Variants in PDE4D observed in about 807,000 individuals in gnomAD.
PDE4D encodes the protein 3',5'-cyclic-AMP phosphodiesterase 4D.
PDE4D carries 24 observed loss-of-function variants against 87.4 expected under a neutral mutation model. The ratio of observed to expected loss-of-function variants is 0.27; its 90% confidence interval spans 0.20 to 0.39. PDE4D has a LOEUF of 0.39. Among genes scored for constraint, PDE4D ranks in the 10% least tolerant of loss-of-function variants. PDE4D has a pLI of 1.00. For synonymous variants in PDE4D, 384 were observed against 383.2 expected, an observed-to-expected ratio of 1.00 and a Z score of -0.02; for missense variants, 714 against 1,041.0, an observed-to-expected ratio of 0.69 and a Z score of 4.32.
chr5:59,734,440 C>A (rs1235621221), intron 1 of PDE4D, among the ~76,000 whole-genome samples: 1 of 152,120 alleles, frequency 6.6e-6, no homozygotes, highest in African/African-American at 2.4e-5. Flanking sequence ...AAGTAAGAGA[C>A]ATTACAGTGC....
chr5:59,184,498 C>T (rs1581244041), intron 4 of PDE4D, among the ~76,000 whole-genome samples: 1 of 151,326 alleles, frequency 6.6e-6, no homozygotes, highest in African/African-American at 2.4e-5. Flanking sequence ...GTTTTTTTTC[C>T]TTCTGGAAAA....
chr5:60,028,775 CT>C (rs1424003084), intron 2 of PDE4D, among the ~76,000 whole-genome samples: 1 of 152,144 alleles, frequency 6.6e-6, no homozygotes, highest in Non-Finnish European at 1.5e-5. Flanking sequence ...AATATAATCT[CT>C]TCCCAGTATG....
chr5:60,060,602 A>G (rs548798958), intron 2 of PDE4D, among the ~76,000 whole-genome samples: 1 of 152,236 alleles, frequency 6.6e-6, no homozygotes, highest in Admixed American at 6.6e-5. Flanking sequence ...ACTGTCCTAC[A>G]TGTTCCTTCA....
chr5:59,788,410 C>T (rs1765406790), intron 1 of PDE4D, among the ~76,000 whole-genome samples: 1 of 152,186 alleles, frequency 6.6e-6, no homozygotes, highest in Non-Finnish European at 1.5e-5. Flanking sequence ...GGCAGCTGCA[C>T]TTGAATGCTT....
At chr5:59,053,651 TTTTGTTGTTG>T (rs1251653657) in intron 5 of PDE4D, among the ~76,000 whole-genome samples, 4,202 of 88,942 alleles carry the variant, frequency 0.047, 149 homozygotes, top group Non-Finnish European at 0.055. Context: ...TTTTGTTTTT[TTTTGTTGTTG>T]TTTTTTTTTT....
chr5:59,976,389 A>G (rs1761335551), intron 3 of PDE4D, among the ~76,000 whole-genome samples: 1 of 152,138 alleles, frequency 6.6e-6, no homozygotes, highest in African/African-American at 2.4e-5. Context: ...GCCCTCATAA[A>G]TGGCTTGGTG....
intron 2 of PDE4D, among the ~76,000 whole-genome samples, chr5:60,054,134 T>C (rs1198643752): frequency 6.6e-6 from 1 of 152,140 alleles, no homozygotes; most frequent in East Asian, 1.9e-4. Context: ...TGGCAATTCC[T>C]CAAGGATCTA....
At chr5:59,011,912 G>A (rs535633492) in intron 6 of PDE4D, among the ~76,000 whole-genome samples, 15 of 152,252 alleles carry the variant, frequency 9.9e-5, no homozygotes, top group East Asian at 3.9e-4. Context: ...GAGAAAGGTC[G>A]GGTTACCCAC....
At chr5:59,296,271 TAATA>T (rs1434684699) in intron 1 of PDE4D, among the ~76,000 whole-genome samples, 1 of 152,034 alleles carries the variant, frequency 6.6e-6, no homozygotes, top group Non-Finnish European at 1.5e-5. Context: ...TTAATAGATA[TAATA>T]AATAATAGTA....
chr5:59,031,380 TATATATATATA>T (rs1561347495), intron 6 of PDE4D, among the ~76,000 whole-genome samples: 11 of 62,680 alleles, frequency 1.8e-4, no homozygotes, highest in East Asian at 1.5e-3. Flanking sequence ...TATATATATA[TATATATATATA>T]TTATATATAT....
chr5:60,517,240 G>A (rs1481349786), intron 1 of PDE4D, among the ~76,000 whole-genome samples: 1 of 152,250 alleles, frequency 6.6e-6, no homozygotes, highest in African/African-American at 2.4e-5. Flanking sequence ...GGGGCCAAGG[G>A]GGAGCTGAGA....
intron 1 of PDE4D, among the ~76,000 whole-genome samples, chr5:59,884,923 C>T (rs1421767519): frequency 1.3e-5 from 2 of 151,968 alleles, no homozygotes; most frequent in Admixed American, 6.5e-5. Flanking sequence ...ATTTGTCATA[C>T]ATTTTTCTTC....
At chr5:59,697,959 C>A (rs528949474) in intron 1 of PDE4D, among the ~76,000 whole-genome samples, 1 of 152,280 alleles carries the variant, frequency 6.6e-6, no homozygotes, top group Admixed American at 6.5e-5. Flanking sequence ...CTATAGACAT[C>A]AGTTTCAGCA....
upstream of PDE4D, chr5:60,490,080 A>T (rs569979897): frequency 6.6e-6 from 1 of 152,328 alleles, no homozygotes; most frequent in Admixed American, 6.5e-5. Flanking sequence ...GTGTCAATAT[A>T]CAACTGAGTT....
At chr5:59,273,320 A>G (rs1320877330) in intron 1 of PDE4D, among the ~76,000 whole-genome samples, 1 of 152,120 alleles carries the variant, frequency 6.6e-6, no homozygotes, top group Non-Finnish European at 1.5e-5. Flanking sequence ...TTAATGCTCA[A>G]GTAAACATGT....
chr5:59,977,280 A>G (rs778482733), intron 3 of PDE4D, among the ~76,000 whole-genome samples: 1 of 152,250 alleles, frequency 6.6e-6, no homozygotes, highest in Non-Finnish European at 1.5e-5. Flanking sequence ...AAATGACAAG[A>G]AAGCCAAACA....
chr5:60,105,962 T>A (rs1389371334), intron 2 of PDE4D, among the ~76,000 whole-genome samples: 1 of 152,068 alleles, frequency 6.6e-6, no homozygotes, highest in Non-Finnish European at 1.5e-5. Context: ...ATGAGCAAAA[T>A]AACCAGCTGA....
intron 2 of PDE4D, among the ~76,000 whole-genome samples, chr5:60,062,572 C>A (rs577776279): frequency 6.6e-6 from 1 of 152,030 alleles, no homozygotes; most frequent in Non-Finnish European, 1.5e-5. Flanking sequence ...TGGATAAATA[C>A]CTAGAGGAAT....
intron 1 of PDE4D, among the ~76,000 whole-genome samples, chr5:59,442,824 A>C (rs1228902886): frequency 2.0e-5 from 3 of 152,340 alleles, no homozygotes; most frequent in Admixed American, 6.5e-5. Flanking sequence ...ATAGAAGTTC[A>C]CAGAGGAAAA....
Sources: gnomAD v4.1 joint callset for allele counts (sites outside exome capture counted in the v4.1 genomes callset) on GRCh38, gnomAD v4.1.1 for gene constraint, MANE v1.5 for transcripts, NCBI Gene and HGNC (gene_info 2026-07-23, HGNC 2026-07-21) for gene names.